The following GPD1 variants were observed in gnomAD, a reference collection of about 807,000 sequenced individuals.
GPD1 encodes the protein glycerol-3-phosphate dehydrogenase [NAD(+)], cytoplasmic.
GPD1 carries 19 observed loss-of-function variants against 34.4 expected under a neutral mutation model. The observed-to-expected ratio is 0.55, with a 90% CI of 0.39 to 0.81. The LOEUF is 0.81. Ranked by LOEUF, GPD1 falls within the 30% of genes least tolerant of loss-of-function variation. The pLI is 0.00. For synonymous variants in GPD1, 172 were observed against 174.1 expected (o/e 0.99, Z 0.09); for missense variants, 429 against 447.0 (o/e 0.96, Z 0.36).
In GPD1 at chr12:50,108,077, C is replaced by T. The variant is rs143492152; in HGVS notation, c.900C>T (p.Pro300=). The change falls in exon 7 of 8, where the codon CCC becomes CCT. Residue 300 remains proline (P), a synonymous_variant. Coordinates refer to ENST00000301149, the MANE Select transcript of GPD1 (RefSeq NM_005276.4). ...TGAATGGGCAGAAACTGCAGGGGCC[C>T]GAGACAGCCCGGGAGCTATACAGCA... ...ELLNGQKLQG[P]ETARELYSIL... 787 of 1,613,184 alleles carry T rather than the reference C, an allele frequency of 4.9e-4. 5 individuals are homozygous for T. In the East Asian group the frequency reaches 9.2e-3, roughly 19 times the overall value.
Position 50,104,740 on chromosome 12 carries a change from C to A in GPD1, c.208C>A (p.Pro70Thr). 1.2e-6 allele frequency: 2 copies of A among 1,613,606 alleles called. No individual in the cohort carries two copies. Among genetic ancestry groups the A allele is most frequent in the Non-Finnish European group, 1.7e-6 (2 of 1,179,606 alleles). ...NVKYLPGHKL[P>T]PNVVAVPDVV... ...CAAATACCTGCCAGGGCACAAGTTG[C>A]CCCCAAATGTGGTGAGCCCCAACAC... The change falls in exon 2 of 8, where the codon CCC (proline) becomes ACC (threonine). Residue 70 changes from proline (P) to threonine (T), a missense_variant. By Grantham distance (38) the Pro-to-Thr change is conservative. Transcript: ENST00000301149.
rs1464396222 is a variant in GPD1 at position 50,107,590 on chromosome 12, C to T, written c.636C>T (p.Gly212=). Reference sequence around the variant, plus strand: ...AGAATGTAGTGGCCGTGGGGGCTGGCTTCTGTGATGGCCTGGGCTTTGGCG... The same window carrying T: ...AGAATGTAGTGGCCGTGGGGGCTGGTTTCTGTGATGGCCTGGGCTTTGGCG... ...ALKNVVAVGA[G]FCDGLGFGDN... is the part of the protein sequence containing the mutation. Residue 212 remains glycine, a synonymous_variant, in exon 6 of 8, where the codon GGC becomes GGT. Transcript: ENST00000301149. 2.5e-6 allele frequency: 4 copies of T among 1,614,060 alleles called. No individual in the cohort carries two copies. Among genetic ancestry groups the T allele is most frequent in the East Asian group, 2.2e-5 (1 of 44,890 alleles).
At chr12:50,104,950 G>A (rs554429832) in intron 2 of GPD1, among the ~76,000 whole-genome samples, 199 bp downstream of exon 2, 45 of 152,340 alleles carry the variant, frequency 3.0e-4, no homozygotes, top group Non-Finnish European at 2.8e-4. Context: ...GCTCCCAGGC[G>A]GGTGGGTGGG....
chr12:50,108,233 G>T (rs755032484), intron 7 of GPD1, 103 bp downstream of exon 7: 80 of 720,132 alleles, frequency 1.1e-4, no homozygotes, highest in Admixed American at 2.3e-4. Flanking sequence ...GAAGTGGACA[G>T]AAAGGGGAGT....
At position 50,107,158 on chromosome 12, in the gene GPD1, G is replaced by C. The variant is rs777410526; in HGVS notation, c.612+241G>C. ...CCTGTCCCATTTTAGCCCCGTGTGG[G>C]ACTCCCCACCCTCTGGCTCCAGGAG... On this transcript the variant is annotated intron_variant, in intron 5 of 7. Coordinates refer to ENST00000301149, the MANE Select transcript of GPD1 (RefSeq NM_005276.4). 4.4e-6 allele frequency: 3 copies of C among 674,850 alleles called. No individual in the cohort carries two copies. The South Asian group carries it at 4.5e-5, about 10-fold the overall frequency. The allele number at this position is 674,850 out of a possible 1,614,324, so 41.8% of individuals were successfully genotyped here. A position where few individuals can be genotyped will look rare whatever the true frequency, so the allele number is the denominator to read the frequency against.
At position 50,104,073 on chromosome 12, in the gene GPD1, T is replaced by C. The variant is rs772612826; in HGVS notation, c.23T>C (p.Ile8Thr). The C allele has an allele frequency of 1.2e-6, 2 of 1,614,044 alleles. No homozygotes were observed. The highest frequency in any genetic ancestry group is 1.7e-5 in the Admixed American group (1 of 60,032). ...ACCATGGCTAGCAAGAAAGTCTGCA[T>C]TGTAGGCTCCGGGAACTGGTAAGCA... MASKKVCIVGSGNWGSAI... is the reference protein window; with the variant it reads MASKKVCTVGSGNWGSAI... Residue 8 changes from isoleucine (I) to threonine (T), a missense_variant, in exon 1 of 8, where the codon ATT (isoleucine) becomes ACT (threonine). By Grantham distance (89) the Ile-to-Thr change is moderately conservative. Transcript: ENST00000301149.
Position 50,107,592 on chromosome 12 carries a change from T to C in GPD1, c.638T>C (p.Phe213Ser), listed in dbSNP as rs1950990202. The C allele has an allele frequency of 1.2e-6, 2 of 1,614,056 alleles. No individual in the cohort carries two copies. Among genetic ancestry groups the C allele is most frequent in the East Asian group, 4.5e-5 (2 of 44,890 alleles). Residue 213 changes from phenylalanine (F) to serine (S), a missense_variant, in exon 6 of 8, where the codon TTC becomes TCC. Physicochemically the swap from Phe to Ser is radical, Grantham distance 155. Transcript: ENST00000301149. The stretch of plus-strand genomic sequence containing the variant: ...AATGTAGTGGCCGTGGGGGCTGGCT[T>C]CTGTGATGGCCTGGGCTTTGGCGAC... ...LKNVVAVGAG[F>S]CDGLGFGDNT...
chr12:50,106,961 C>T (rs747924284), intron 5 of GPD1, 44 bp downstream of exon 5: 3 of 1,197,056 alleles, frequency 2.5e-6, no homozygotes, highest in Non-Finnish European at 3.7e-6. Context: ...GAGAAGGCCC[C>T]AAAGGAGGTC....
intron 5 of GPD1, chr12:50,107,319 T>G: frequency 1.5e-6 from 1 of 672,844 alleles, no homozygotes; most frequent in Non-Finnish European, 2.7e-6. Context: ...TGGTCATAGA[T>G]GGGAAGATCA....
intron 5 of GPD1, 68 bp downstream of exon 5, chr12:50,106,985 C>T (rs1244844619): frequency 1.1e-6 from 1 of 928,726 alleles, no homozygotes; most frequent in African/African-American, 1.6e-5. Flanking sequence ...CTGAGCTCTG[C>T]AAGGCTGCAG....
At chr12:50,108,721 G>A (rs1951000790) in intron 7 of GPD1, among the ~76,000 whole-genome samples, 1 of 152,184 alleles carries the variant, frequency 6.6e-6, no homozygotes, top group Admixed American at 6.5e-5. Flanking sequence ...CAGTAAGAAG[G>A]AAATGAGTAT....
At chr12:50,105,824 C>T in intron 3 of GPD1, 136 bp downstream of exon 3, 1 of 885,834 alleles carries the variant, frequency 1.1e-6, no homozygotes, top group Non-Finnish European at 1.8e-6. Context: ...GCAGTTGGCT[C>T]TGGAGAGGCT....
At chr12:50,104,219 C>A in intron 1 of GPD1, 128 bp downstream of exon 1, 1 of 903,906 alleles carries the variant, frequency 1.1e-6, no homozygotes, top group Admixed American at 1.8e-5. Flanking sequence ...TCTATCATAG[C>A]AGCACAGGAC....
In GPD1 at chr12:50,109,422, G is replaced by A. The variant is rs112663732; in HGVS notation, c.954-1G>A. On this transcript the variant is annotated splice_acceptor_variant, in intron 7 of 7. Transcript: ENST00000301149. LOFTEE classifies it high-confidence loss of function. ...GCTGAGCCTTTCCCTCTCCAATCTA[G>A]GTTTCCCTTGTTCATGGCTGTGTAC... 3 of 1,508,982 alleles carry A rather than the reference G, an allele frequency of 2.0e-6. No individual in the cohort carries two copies. Among genetic ancestry groups the A allele is most frequent in the Non-Finnish European group, 2.8e-6 (3 of 1,083,962 alleles). The allele number at this position is 1,508,982 out of a possible 1,614,324, so 93.5% of individuals were successfully genotyped here.
chr12:50,106,741 C>T (rs1158628510), intron 4 of GPD1, 64 bp from the exon 5 acceptor site: 2 of 944,344 alleles, frequency 2.1e-6, no homozygotes, highest in Non-Finnish European at 3.2e-6. Flanking sequence ...ACTCCCATCT[C>T]TATAAAATAA....
chr12:50,110,784 G>C lies in GPD1; in HGVS notation c.*1265G>C, dbSNP rs1187225474. The C allele has an allele frequency of 6.5e-6, 1 of 152,810 alleles. No homozygotes were observed. Among genetic ancestry groups the C allele is most frequent in the East Asian group, 1.9e-4 (1 of 5,198 alleles). The allele number at this position is 152,810 out of a possible 1,614,324, so 9.5% of individuals were successfully genotyped here. A position where few individuals can be genotyped will look rare whatever the true frequency, so the allele number is the denominator to read the frequency against. Reference sequence around the variant, plus strand: ...AAAATCAAAACCACCCTACTCCCTGGGGTGAGGAAAGAACAGGAGGGGAGG... The same window carrying C: ...AAAATCAAAACCACCCTACTCCCTGCGGTGAGGAAAGAACAGGAGGGGAGG... On this transcript the variant is annotated 3_prime_UTR_variant, in exon 8 of 8. Transcript: ENST00000301149.
chr12:50,106,965 G>A (rs906013890), intron 5 of GPD1, 48 bp downstream of exon 5: 2 of 1,179,206 alleles, frequency 1.7e-6, no homozygotes, highest in South Asian at 1.2e-5. Context: ...AGGCCCCAAA[G>A]GAGGTCTGGC....
At position 50,106,874 on chromosome 12, in the gene GPD1, T is replaced by G; in HGVS notation, c.569T>G (p.Val190Gly). ...CAGACACCAAACTTCCGTATCACAG[T>G]GGTGCAAGAGGTGGACACAGTAGAG... Reference protein sequence around the residue: ...LMQTPNFRITVVQEVDTVEIC... With the variant: ...LMQTPNFRITGVQEVDTVEIC... Residue 190 changes from valine to glycine, a missense_variant, in exon 5 of 8, where the codon GTG becomes GGG. Transcript: ENST00000301149. The G allele has an allele frequency of 6.2e-7, 1 of 1,613,214 alleles. No individual in the cohort carries two copies. The highest frequency in any genetic ancestry group is 1.1e-5 in the South Asian group (1 of 91,044).
intron 2 of GPD1, chr12:50,105,109 T>A (rs780813361): frequency 3.3e-6 from 1 of 300,340 alleles, no homozygotes; most frequent in Non-Finnish European, 6.2e-6. Flanking sequence ...GGACTTACGG[T>A]CTTTGGTCAA....
Sources: gnomAD v4.1 joint callset for allele counts (sites outside exome capture counted in the v4.1 genomes callset) on GRCh38, gnomAD v4.1.1 for gene constraint, MANE v1.5 for transcripts, NCBI Gene and HGNC (gene_info 2026-07-23, HGNC 2026-07-21) for gene names.